Variants in AGBL1 observed in about 807,000 individuals in gnomAD.
The protein encoded by AGBL1 is AGBL carboxypeptidase 1, also known as cytosolic carboxypeptidase 4.
A neutral mutation model predicts 118.9 loss-of-function variants in AGBL1; 130 were observed. That is an observed-to-expected ratio of 1.09 (90% CI 0.95 to 1.26). The LOEUF (loss-of-function observed/expected upper bound fraction) is 1.26. AGBL1 is among the 50% of genes most tolerant of loss of function. The pLI is 0.00. For missense variants in AGBL1, 1,584 were observed against 1,298.1 expected, an observed-to-expected ratio of 1.22 and a Z score of -3.38; for synonymous variants, 555 against 478.9, an observed-to-expected ratio of 1.16 and a Z score of -2.08.
rs116264498 is a variant in AGBL1 at position 86,759,052 on chromosome 15, A to T, written c.3158+84616A>T. 9.6e-3 allele frequency among the ~76,000 whole-genome samples: 1,463 copies of T among 152,040 alleles called. 13 individuals carry two copies. The highest frequency in any genetic ancestry group is 0.015 in the Non-Finnish European group (1,025 of 67,958). On this transcript the variant is annotated intron_variant, in intron 22 of 22. Transcript: ENST00000614907. ...TAGAGAGCATGATTATACTTGATAT[A>T]GATTTCTTTGAATCAAAGGAGTTTA...
intron 17 of AGBL1, among the ~76,000 whole-genome samples, chr15:86,315,911 A>G (rs2079999482): frequency 6.6e-6 from 1 of 152,108 alleles, no homozygotes; most frequent in African/African-American, 2.4e-5. Context: ...ACCAGAGGGG[A>G]GGAAATAGCA....
intron 22 of AGBL1, among the ~76,000 whole-genome samples, chr15:86,771,040 C>G (rs2078171977): frequency 6.6e-6 from 1 of 152,032 alleles, no homozygotes; most frequent in South Asian, 2.1e-4. Flanking sequence ...GGTCCTTGCT[C>G]TCTTTCCTCA....
Position 87,023,117 on chromosome 15 carries a change from G to T in AGBL1, c.3324-5708G>T, listed in dbSNP as rs573603097. Among the ~76,000 whole-genome samples, 4 of 152,034 alleles carry T rather than the reference G, an allele frequency of 2.6e-5. No homozygotes were observed. The South Asian group carries it at 8.3e-4, about 32-fold the overall frequency. The stretch of plus-strand genomic sequence containing the variant: ...CAACAAATAGCATGATGAATGGAAT[G>T]GTACCTCACATTTCAATATTAACAT... On this transcript the variant is annotated intron_variant, in intron 24 of 24. Coordinates refer to the AGBL1 transcript ENST00000441037.
chr15:86,546,211 C>T, intron 20 of AGBL1, 78 bp downstream of exon 20: 1 of 1,169,454 alleles, frequency 8.6e-7, no homozygotes, highest in South Asian at 2.3e-5. Flanking sequence ...ATGCCCCACT[C>T]ATTTATTTAG....
rs368878081 is a variant in AGBL1 at position 86,929,148 on chromosome 15, T to G, written c.3222-58839T>G. On this transcript the variant is annotated intron_variant, in intron 23 of 24. Coordinates refer to the AGBL1 transcript ENST00000441037. ...CAGTCCACTATTCATTTACATTCTT[T>G]CCTATTTGGTTTTCATTTACCACTA... Among the ~76,000 whole-genome samples the G allele has an allele frequency of 1.8e-4, 28 of 152,304 alleles. No homozygotes were observed. In the East Asian group the frequency reaches 3.5e-3, roughly 19 times the overall value.
intron 21 of AGBL1, among the ~76,000 whole-genome samples, chr15:86,608,082 T>G (rs1189221996): frequency 6.6e-6 from 1 of 152,208 alleles, no homozygotes; most frequent in Non-Finnish European, 1.5e-5. Context: ...GACACAACAG[T>G]GACATCATTT....
intron 18 of AGBL1, among the ~76,000 whole-genome samples, chr15:86,408,600 A>G (rs189410135): frequency 2.3e-4 from 35 of 152,328 alleles, no homozygotes; most frequent in African/African-American, 7.9e-4. Context: ...GAAACAGAGC[A>G]GAATTATTGG....
chr15:86,514,802 A>G (rs2083098372), intron 18 of AGBL1, among the ~76,000 whole-genome samples: 1 of 152,138 alleles, frequency 6.6e-6, no homozygotes, highest in South Asian at 2.1e-4. Context: ...TCTTGCACAA[A>G]GGAATAAATG....
intron 16 of AGBL1, among the ~76,000 whole-genome samples, chr15:86,288,998 A>C (rs2079501515): frequency 6.6e-6 from 1 of 152,124 alleles, no homozygotes; most frequent in Admixed American, 6.6e-5. Context: ...TACTATTGCC[A>C]TGCTTGCTTT....
chr15:86,095,845 A>T (rs183276611), intron 1 of AGBL1, among the ~76,000 whole-genome samples: 5 of 152,082 alleles, frequency 3.3e-5, no homozygotes, highest in Non-Finnish European at 7.4e-5. Context: ...CATGGGCTTA[A>T]ATCTTGGCTT....
chr15:86,161,273 G>A (rs2077263868), intron 5 of AGBL1, among the ~76,000 whole-genome samples: 4 of 152,274 alleles, frequency 2.6e-5, no homozygotes, highest in Admixed American at 1.3e-4. Flanking sequence ...TCCACCAACC[G>A]TTACAATATA....
intron 19 of AGBL1, among the ~76,000 whole-genome samples, chr15:86,528,027 A>G (rs923396334): frequency 2.6e-5 from 4 of 152,152 alleles, no homozygotes; most frequent in Non-Finnish European, 4.4e-5. Context: ...TGCATCATAT[A>G]TGTATAATTA....
intron 21 of AGBL1, among the ~76,000 whole-genome samples, chr15:86,610,756 C>A (rs752388113): frequency 1.4e-4 from 21 of 152,282 alleles, no homozygotes; most frequent in Middle Eastern, 3.4e-3. Flanking sequence ...CTTCCCTAAT[C>A]ACATGTTTTG....
chr15:87,018,690 C>A (rs1482913937), intron 24 of AGBL1, among the ~76,000 whole-genome samples: 2 of 151,998 alleles, frequency 1.3e-5, no homozygotes, highest in African/African-American at 4.8e-5. Context: ...AACAGTGACA[C>A]TATGAAGCAA....
intron 24 of AGBL1, among the ~76,000 whole-genome samples, chr15:86,992,869 T>C (rs1432406007): frequency 6.6e-6 from 1 of 152,142 alleles, no homozygotes; most frequent in Non-Finnish European, 1.5e-5. Flanking sequence ...AAGCCATTGT[T>C]ATCTAGTCAT....
At position 86,385,956 on chromosome 15, in the gene AGBL1, TC is replaced by T. The variant is rs1361788810; in HGVS notation, c.2375-11405del. ...CTCCCCTCCTCCTCTCCTCTCCCCCTCCCCCATCCCCCCTCCTCCCCTCTCC... is the reference window on the plus strand; with the variant it reads ...CTCCCCTCCTCCTCTCCTCTCCCCCTCCCCATCCCCCCTCCTCCCCTCTCC... On this transcript the variant is annotated intron_variant, in intron 17 of 22. Coordinates refer to ENST00000614907, the MANE Select transcript of AGBL1 (RefSeq NM_001386094.1). Among the ~76,000 whole-genome samples the T allele has an allele frequency of 3.4e-3, 66 of 19,634 alleles. 1 individual carries two copies. Among genetic ancestry groups the T allele is most frequent in the Middle Eastern group, 0.025 (1 of 40 alleles). 12.9% of individuals were successfully genotyped at this position (19,634 alleles called of 152,430 possible).
intron 22 of AGBL1, among the ~76,000 whole-genome samples, chr15:86,816,377 C>T (rs17701277): frequency 0.037 from 5,644 of 152,280 alleles, 163 homozygotes; most frequent in Non-Finnish European, 0.058. Context: ...CATTTGCACC[C>T]GGCTATTTCC....
intron 22 of AGBL1, among the ~76,000 whole-genome samples, chr15:86,887,313 A>G (rs534054912): frequency 2.0e-5 from 3 of 152,208 alleles, no homozygotes; most frequent in Admixed American, 2.0e-4. Flanking sequence ...CTTGGCTGTT[A>G]CTTTTAAACT....
chr15:86,121,447 A>G (rs907924965), intron 1 of AGBL1, among the ~76,000 whole-genome samples: 1 of 152,234 alleles, frequency 6.6e-6, no homozygotes, highest in Non-Finnish European at 1.5e-5. Flanking sequence ...TAGGTCTAAG[A>G]GGGACCTTAT....
Sources: allele counts gnomAD v4.1 joint callset (sites outside exome capture counted in the v4.1 genomes callset), GRCh38; gene constraint gnomAD v4.1.1; transcripts MANE v1.5; gene names NCBI Gene and HGNC (gene_info 2026-07-23, HGNC 2026-07-21).